GLCE: variants seen among roughly 807,000 people sequenced by gnomAD.
GLCE encodes the protein D-glucuronyl C5-epimerase.
GLCE carries 19 observed loss-of-function variants against 47.9 expected under a neutral mutation model. The observed-to-expected ratio is 0.40, with a 90% CI of 0.28 to 0.58. The LOEUF is 0.58. Among genes scored for constraint, GLCE ranks in the 20% least tolerant of loss-of-function variants. GLCE has a pLI of 0.48. For missense variants in GLCE, 556 were observed against 743.3 expected, an observed-to-expected ratio of 0.75 and a Z score of 2.93; for synonymous variants, 245 against 263.4, an observed-to-expected ratio of 0.93 and a Z score of 0.68.
At position 69,270,915 on chromosome 15, in the gene GLCE, T is replaced by C. The variant is rs1430764299; in HGVS notation, c.*1671T>C. ...CCTAGCTTTTGACCTTTGCATTTCA[T>C]ATATGTTAGATGTCTCAGCAAGAAT... On this transcript the variant is annotated 3_prime_UTR_variant, in exon 5 of 5. Transcript: ENST00000261858. The C allele has an allele frequency of 6.6e-6, 1 of 152,228 alleles. No homozygotes were observed. The highest frequency in any genetic ancestry group is 1.5e-5 in the Non-Finnish European group (1 of 68,038). The allele number at this position is 152,228 out of a possible 1,614,324, so 9.4% of individuals were successfully genotyped here.
intron 1 of GLCE, among the ~76,000 whole-genome samples, chr15:69,193,290 G>A (rs2051940677): frequency 6.6e-6 from 1 of 152,068 alleles, no homozygotes; most frequent in African/African-American, 2.4e-5. Context: ...CCTTTGTTCA[G>A]TGCCAGCAAA....
intron 1 of GLCE, among the ~76,000 whole-genome samples, chr15:69,192,523 T>A (rs2051928853): frequency 6.6e-6 from 1 of 152,152 alleles, no homozygotes; most frequent in African/African-American, 2.4e-5. Context: ...CTTTCATTTC[T>A]GGTTCTGTTA....
At chr15:69,226,534 A>G (rs2052449860) in intron 2 of GLCE, among the ~76,000 whole-genome samples, 1 of 152,178 alleles carries the variant, frequency 6.6e-6, no homozygotes, top group South Asian at 2.1e-4. Flanking sequence ...CAGCATAGGA[A>G]TAATGGAGTC....
Position 69,202,266 on chromosome 15 carries a change from TAAAA to T in GLCE, c.-104-8042_-104-8039del, listed in dbSNP as rs577197766. Among the ~76,000 whole-genome samples, 3 of 147,040 alleles carry T rather than the reference TAAAA, an allele frequency of 2.0e-5. No individual in the cohort carries two copies. In the East Asian group the frequency reaches 5.9e-4, roughly 29 times the overall value. On this transcript the variant is annotated intron_variant, in intron 1 of 4. Coordinates refer to ENST00000261858, the MANE Select transcript of GLCE (RefSeq NM_015554.3). ...AACAGTCAGAGAGTACTTACCCAATTAAAAAAAAAAATCAACAGTTGCTTTAAAC... is the reference window on the plus strand; with the variant it reads ...AACAGTCAGAGAGTACTTACCCAATTAAAAAAATCAACAGTTGCTTTAAAC...
intron 2 of GLCE, among the ~76,000 whole-genome samples, chr15:69,233,497 C>A (rs1286772730): frequency 6.6e-6 from 1 of 152,196 alleles, no homozygotes; most frequent in Non-Finnish European, 1.5e-5. Context: ...TCCCTCCCAA[C>A]CCCAGGCACT....
At chr15:69,173,579 C>G (rs1001120091) in intron 1 of GLCE, among the ~76,000 whole-genome samples, 1 of 151,930 alleles carries the variant, frequency 6.6e-6, no homozygotes, top group African/African-American at 2.4e-5. Context: ...GCTCTGTTGC[C>G]CAGGCTGGTG....
rs1466962447 is a variant in GLCE, at chr15:69,236,954, C to T, written c.-13-18840C>T. Reference sequence around the variant, plus strand: ...CCTCTACCCCCCTTTTTATAAAGGTCCCCACTTCCCAGTCTCTTGACCTGC... The same window carrying T: ...CCTCTACCCCCCTTTTTATAAAGGTTCCCACTTCCCAGTCTCTTGACCTGC... On this transcript the variant is annotated intron_variant, in intron 2 of 4. Transcript: ENST00000261858. Among the ~76,000 whole-genome samples the T allele has an allele frequency of 3.3e-5, 5 of 152,084 alleles. No homozygotes were observed. In the East Asian group the frequency reaches 9.6e-4, roughly 29 times the overall value.
At chr15:69,262,586 T>C (rs1438293441) in intron 4 of GLCE, among the ~76,000 whole-genome samples, 1 of 152,212 alleles carries the variant, frequency 6.6e-6, no homozygotes, top group Non-Finnish European at 1.5e-5. Context: ...TTTTGAACTC[T>C]GTCCTATTTA....
intron 1 of GLCE, among the ~76,000 whole-genome samples, chr15:69,189,060 T>C (rs1375306703): frequency 3.3e-5 from 5 of 152,200 alleles, no homozygotes; most frequent in Non-Finnish European, 4.4e-5. Context: ...ATAATTTACA[T>C]TGGGGTTCAC....
intron 1 of GLCE, among the ~76,000 whole-genome samples, chr15:69,177,983 C>T (rs1376179283): frequency 6.6e-6 from 1 of 151,948 alleles, no homozygotes; most frequent in Non-Finnish European, 1.5e-5. Context: ...ATGGGTATAC[C>T]AAAATTTATC....
In GLCE at chr15:69,238,427, TA is replaced by T. The variant is rs923661486; in HGVS notation, c.-13-17357del. Among the ~76,000 whole-genome samples the T allele has an allele frequency of 2.5e-3, 377 of 150,054 alleles. 1 individual carries two copies. Among genetic ancestry groups the T allele is most frequent in the African/African-American group, 6.7e-3 (274 of 41,000 alleles). The stretch of plus-strand genomic sequence containing the variant: ...AGTTTCTTCAACCATATGTGGGTGA[TA>T]AAAAAAAAATCTTCTTAGGGTTTGA... On this transcript the variant is annotated intron_variant, in intron 2 of 4. Transcript: ENST00000261858.
chr15:69,250,869 TG>T, intron 2 of GLCE, among the ~76,000 whole-genome samples: 1 of 152,210 alleles, frequency 6.6e-6, no homozygotes, highest in East Asian at 1.9e-4. Flanking sequence ...ATATATGCAT[TG>T]TTTACTTAAA....
At chr15:69,268,127 G>T in intron 4 of GLCE, 93 bp from the exon 5 acceptor site, 1 of 704,682 alleles carries the variant, frequency 1.4e-6, no homozygotes, top group Non-Finnish European at 2.4e-6. Context: ...AATTTTGTGC[G>T]GTCAGGGTTT....
At chr15:69,195,671 A>G (rs1198964685) in intron 1 of GLCE, among the ~76,000 whole-genome samples, 2 of 152,142 alleles carry the variant, frequency 1.3e-5, no homozygotes, top group Non-Finnish European at 2.9e-5. Flanking sequence ...GGGGAATGCA[A>G]ACTAATTTAA....
intron 2 of GLCE, among the ~76,000 whole-genome samples, chr15:69,229,646 T>G (rs748383277): frequency 3.3e-5 from 5 of 151,944 alleles, no homozygotes; most frequent in Non-Finnish European, 7.4e-5. Context: ...TTTAAAGCAG[T>G]ATAGTTAATA....
intron 1 of GLCE, among the ~76,000 whole-genome samples, chr15:69,165,208 T>C (rs1200467202): frequency 6.6e-6 from 1 of 152,162 alleles, no homozygotes; most frequent in Non-Finnish European, 1.5e-5. Context: ...ATCCACTAGC[T>C]ATTCTTCTCT....
intron 1 of GLCE, among the ~76,000 whole-genome samples, chr15:69,177,897 A>G (rs561319477): frequency 6.6e-6 from 1 of 152,316 alleles, no homozygotes; most frequent in South Asian, 2.1e-4. Flanking sequence ...TTTCACTCAA[A>G]TAATTATTTT....
At chr15:69,191,776 C>A (rs1189485929) in intron 1 of GLCE, among the ~76,000 whole-genome samples, 2 of 152,122 alleles carry the variant, frequency 1.3e-5, no homozygotes, top group Non-Finnish European at 2.9e-5. Context: ...TTCTTAGACA[C>A]CAGCCAAGGC....
At chr15:69,214,147 T>G (rs2052271272) in intron 2 of GLCE, among the ~76,000 whole-genome samples, 1 of 152,056 alleles carries the variant, frequency 6.6e-6, no homozygotes, top group Non-Finnish European at 1.5e-5. Context: ...TGGAGAATAG[T>G]ATTTAGAAAC....
Sources: gnomAD v4.1 joint callset for allele counts (sites outside exome capture counted in the v4.1 genomes callset) on GRCh38, gnomAD v4.1.1 for gene constraint, MANE v1.5 for transcripts, NCBI Gene and HGNC (gene_info 2026-07-23, HGNC 2026-07-21) for gene names.